The following POLR3F variants were observed in gnomAD, a reference collection of about 807,000 sequenced individuals.
POLR3F encodes the protein DNA-directed RNA polymerase III subunit RPC6.
A neutral mutation model predicts 43.6 loss-of-function variants in POLR3F; 31 were observed. The observed-to-expected ratio is 0.71, with a 90% CI of 0.53 to 0.96. POLR3F has a LOEUF of 0.96. POLR3F is among the 40% of genes least tolerant of loss of function. The probability of loss-of-function intolerance (pLI) is 0.00; values close to 1 mark genes in which losing one functional copy is unlikely to be tolerated. For synonymous variants in POLR3F, 114 were observed against 132.5 expected (o/e 0.86, Z 0.96); for missense variants, 316 against 391.7 (o/e 0.81, Z 1.63).
chr20:18,472,110 A>G (rs1378744800), intron 2 of POLR3F, among the ~76,000 whole-genome samples: 2 of 152,236 alleles, frequency 1.3e-5, no homozygotes, highest in African/African-American at 4.8e-5. Flanking sequence ...CAGGAGCATG[A>G]CAGACATACT....
At chr20:18,479,537 G>T (rs1272048485) in intron 5 of POLR3F, among the ~76,000 whole-genome samples, 1 of 152,068 alleles carries the variant, frequency 6.6e-6, no homozygotes, top group African/African-American at 2.4e-5. Flanking sequence ...ACACACGATG[G>T]GAGCATAGCA....
In POLR3F at chr20:18,468,747, A is replaced by G. The variant is rs113526154; in HGVS notation, c.63-197A>G. ...GGAAAAGAAATATTCTTAAATAACA[A>G]TAATACTGTAAACATGTATTTAGAA... On this transcript the variant is annotated intron_variant, in intron 1 of 8. Transcript: ENST00000377603. Among the ~76,000 whole-genome samples the G allele has an allele frequency of 2.4e-4, 37 of 152,358 alleles. 3 individuals are homozygous for G. The highest frequency in any genetic ancestry group is 8.7e-4 in the African/African-American group (36 of 41,578).
At chr20:18,483,402 A>C in intron 8 of POLR3F, 79 bp from the exon 9 acceptor site, 1 of 695,394 alleles carries the variant, frequency 1.4e-6, no homozygotes, top group Non-Finnish European at 2.4e-6. Flanking sequence ...TTTGTTTTTA[A>C]TCTTGCTTTA....
At chr20:18,471,615 G>A (rs1338883882) in intron 2 of POLR3F, among the ~76,000 whole-genome samples, 1 of 152,190 alleles carries the variant, frequency 6.6e-6, no homozygotes, top group African/African-American at 2.4e-5. Context: ...CACTTCGTGG[G>A]GTCAGGGAAC....
At chr20:18,481,557 C>T (rs1568582133) in intron 7 of POLR3F, 62 bp from the exon 8 acceptor site, 1 of 1,145,164 alleles carries the variant, frequency 8.7e-7, no homozygotes, top group East Asian at 2.3e-5. Context: ...CTGTTTTTAA[C>T]ACCCTCCAAG....
chr20:18,473,075 T>A (rs901522043), intron 3 of POLR3F, 166 bp downstream of exon 3: 18 of 402,538 alleles, frequency 4.5e-5, no homozygotes, highest in Non-Finnish European at 7.1e-5. Context: ...ATTTAGTGTA[T>A]ATCCTTTCTT....
intron 5 of POLR3F, 52 bp from the exon 6 acceptor site, chr20:18,479,986 T>G: frequency 6.9e-7 from 1 of 1,440,076 alleles, no homozygotes; most frequent in Non-Finnish European, 9.4e-7. Context: ...GTGTTTTTGT[T>G]TTTGGAAATT....
In POLR3F at chr20:18,480,159, G is replaced by A. The variant is rs1272397460; in HGVS notation, c.551G>A (p.Cys184Tyr). Residue 184 changes from cysteine (C) to tyrosine (Y), a missense_variant, in exon 6 of 9, where the codon TGT becomes TAT. Physicochemically the swap from Cys to Tyr is radical, Grantham distance 194 (BLOSUM62 -2). Coordinates refer to ENST00000377603, the MANE Select transcript of POLR3F (RefSeq NM_006466.4). ...SEFVEVLNQQ[C>Y]FKFLQSKAET... is the part of the protein sequence containing the mutation. ...TTTGTAGAGGTGCTTAACCAACAGTGTTTTAAATTCCTACAGTCCAAGGTG... is the reference window on the plus strand; with the variant it reads ...TTTGTAGAGGTGCTTAACCAACAGTATTTTAAATTCCTACAGTCCAAGGTG... 6.2e-7 allele frequency: 1 copy of A among 1,612,742 alleles called. No homozygotes were observed. Among genetic ancestry groups the A allele is most frequent in the South Asian group, 1.1e-5 (1 of 90,870 alleles).
At chr20:18,468,923 C>G in intron 1 of POLR3F, 21 bp from the exon 2 acceptor site, 1 of 1,106,496 alleles carries the variant, frequency 9.0e-7, no homozygotes, top group South Asian at 1.2e-5. Flanking sequence ...TGAAGGATAA[C>G]ATTAATACCT....
intron 4 of POLR3F, 145 bp downstream of exon 4, chr20:18,473,603 C>A: frequency 2.2e-6 from 1 of 444,470 alleles, no homozygotes; most frequent in Non-Finnish European, 4.3e-6. Context: ...CATGCATGTG[C>A]TTGAAGGACA....
intron 5 of POLR3F, among the ~76,000 whole-genome samples, chr20:18,475,546 C>G (rs1385522810): frequency 6.6e-6 from 1 of 152,154 alleles, no homozygotes; most frequent in East Asian, 1.9e-4. Flanking sequence ...GCTTGGGATA[C>G]ATTAATGAAC....
intron 2 of POLR3F, 185 bp downstream of exon 2, chr20:18,469,246 G>T (rs1245341569): frequency 8.7e-6 from 5 of 572,400 alleles, no homozygotes; most frequent in African/African-American, 1.9e-5. Flanking sequence ...ATTTTGAATT[G>T]GTGAACGGAG....
At chr20:18,474,346 AGT>A (rs1173762985) in intron 4 of POLR3F, among the ~76,000 whole-genome samples, 1 of 151,996 alleles carries the variant, frequency 6.6e-6, no homozygotes, top group Non-Finnish European at 1.5e-5. Flanking sequence ...TCATCTAAAG[AGT>A]GTTTTTGTCC....
intron 2 of POLR3F, among the ~76,000 whole-genome samples, chr20:18,472,485 T>A (rs548706779): frequency 1.3e-5 from 2 of 152,198 alleles, no homozygotes; most frequent in African/African-American, 4.8e-5. Flanking sequence ...CGCCCAGCCA[T>A]TAACTTTATA....
At chr20:18,482,314 A>C (rs2059815105) in intron 8 of POLR3F, among the ~76,000 whole-genome samples, 1 of 152,026 alleles carries the variant, frequency 6.6e-6, no homozygotes, top group Admixed American at 6.6e-5. Flanking sequence ...TGGAACAACC[A>C]CATTAAGGAT....
intron 8 of POLR3F, among the ~76,000 whole-genome samples, chr20:18,482,016 C>CT (rs2059813324): frequency 7.4e-6 from 1 of 134,474 alleles, no homozygotes; most frequent in Non-Finnish European, 1.5e-5. Flanking sequence ...GAGACGGAGT[C>CT]TCACTCTATC....
chr20:18,467,691 G>T (rs2059702834), intron 1 of POLR3F, 123 bp downstream of exon 1: 1 of 1,536,640 alleles, frequency 6.5e-7, no homozygotes, highest in Non-Finnish European at 8.8e-7. Flanking sequence ...CGGGAAAAAC[G>T]ATTGCGGGGT....
intron 5 of POLR3F, among the ~76,000 whole-genome samples, chr20:18,476,222 A>G (rs1004105792): frequency 3.3e-5 from 5 of 151,816 alleles, no homozygotes; most frequent in African/African-American, 1.2e-4. Context: ...CATTTTCATC[A>G]CCCCCAAATG....
At chr20:18,476,866 G>A (rs959899397) in intron 5 of POLR3F, among the ~76,000 whole-genome samples, 3 of 152,152 alleles carry the variant, frequency 2.0e-5, no homozygotes, top group African/African-American at 7.2e-5. Context: ...CCTGAGGTCA[G>A]GAGTTCAAGT....
Sources: gnomAD v4.1 joint callset for allele counts (sites outside exome capture counted in the v4.1 genomes callset) on GRCh38, gnomAD v4.1.1 for gene constraint, MANE v1.5 for transcripts, NCBI Gene and HGNC (gene_info 2026-07-23, HGNC 2026-07-21) for gene names.